The following KLHL1 variants were observed in gnomAD, a reference collection of about 807,000 sequenced individuals.
The protein encoded by KLHL1 is kelch like family member 1.
KLHL1 carries 47 observed loss-of-function variants against 77.7 expected under a neutral mutation model. The observed-to-expected ratio is 0.60, with a 90% CI of 0.48 to 0.77. The LOEUF (loss-of-function observed/expected upper bound fraction) is 0.77. KLHL1 is among the 30% of genes least tolerant of loss of function. The pLI is 0.00. For missense variants in KLHL1, 925 were observed against 910.8 expected (o/e 1.02, Z -0.20); for synonymous variants, 360 against 325.2 (o/e 1.11, Z -1.15).
chr13:69,850,796 G>T (rs1209294345), intron 5 of KLHL1, among the ~76,000 whole-genome samples: 1 of 151,610 alleles, frequency 6.6e-6, no homozygotes, highest in Non-Finnish European at 1.5e-5. Flanking sequence ...ACCTTGTTTA[G>T]GCTCATTTGT....
At chr13:69,833,947 A>C (rs933641798) in intron 6 of KLHL1, among the ~76,000 whole-genome samples, 11 of 151,940 alleles carry the variant, frequency 7.2e-5, no homozygotes, top group African/African-American at 2.7e-4. Flanking sequence ...ACCTGGATGG[A>C]GTTAAAGACC....
In KLHL1 at chr13:70,107,371, T is replaced by C. The variant is rs1888092307; in HGVS notation, c.329A>G (p.Gln110Arg). 1 of 1,614,000 alleles carries C rather than the reference T, an allele frequency of 6.2e-7. No homozygotes were observed. Among genetic ancestry groups the C allele is most frequent in the Non-Finnish European group, 8.5e-7 (1 of 1,180,034 alleles). The change falls in exon 1 of 11, where the codon CAG becomes CGG. Residue 110 changes from glutamine (Q) to arginine (R), a missense_variant. Gln to Arg is a conservative substitution (Grantham distance 43). Coordinates refer to ENST00000377844, the MANE Select transcript of KLHL1 (RefSeq NM_020866.3). ...AGTCCTGGCTGGCTGCTGAGTGCCC[T>C]GCCCAGGAGCCCCTTGCTGCAGCCT... ...ATRLQQGAPG[Q>R]GTQQPARTLF...
At chr13:70,104,605 T>C (rs1888002973) in intron 1 of KLHL1, among the ~76,000 whole-genome samples, 1 of 152,150 alleles carries the variant, frequency 6.6e-6, no homozygotes, top group Admixed American at 6.5e-5. Context: ...ACTCATGTTT[T>C]ATATGTAAGG....
chr13:69,937,805 A>G (rs989372425), intron 4 of KLHL1, among the ~76,000 whole-genome samples: 1 of 152,192 alleles, frequency 6.6e-6, no homozygotes, highest in African/African-American at 2.4e-5. Flanking sequence ...GACAAATAAT[A>G]AAGAAGAGAA....
intron 7 of KLHL1, among the ~76,000 whole-genome samples, chr13:69,742,213 A>G (rs1198005354): frequency 2.0e-5 from 3 of 152,198 alleles, no homozygotes; most frequent in Non-Finnish European, 4.4e-5. Flanking sequence ...TATAATGGAC[A>G]ATAAAAATGC....
At chr13:69,717,557 T>C (rs1026947753) in intron 9 of KLHL1, among the ~76,000 whole-genome samples, 1 of 152,146 alleles carries the variant, frequency 6.6e-6, no homozygotes, top group Admixed American at 6.6e-5. Flanking sequence ...ACTGAATTAT[T>C]TATGCCTCTA....
chr13:70,059,224 C>T (rs1457077364), intron 1 of KLHL1, among the ~76,000 whole-genome samples: 1 of 150,650 alleles, frequency 6.6e-6, no homozygotes, highest in African/African-American at 2.5e-5. Context: ...AGTGGCACAA[C>T]CTTGGCTTAC....
At chr13:69,855,926 T>C (rs1038420509) in intron 5 of KLHL1, among the ~76,000 whole-genome samples, 104 of 104,854 alleles carry the variant, frequency 9.9e-4, no homozygotes, top group African/African-American at 4.5e-3. Context: ...TATAACATAT[T>C]AATATGCATG....
At chr13:69,881,351 T>A (rs1880980776) in intron 5 of KLHL1, among the ~76,000 whole-genome samples, 1 of 152,178 alleles carries the variant, frequency 6.6e-6, no homozygotes, top group Non-Finnish European at 1.5e-5. Context: ...AATGTCCTAA[T>A]TCTCTGTTTT....
In KLHL1 at chr13:69,951,835, T is replaced by A. The variant is rs547193383; in HGVS notation, c.817+9473A>T. ...TTCTTGAAATCTTCACATCTCATAA[T>A]CCATATTTAAAATCAATATTTCTTA... On this transcript the variant is annotated intron_variant, in intron 3 of 10. Coordinates refer to ENST00000377844, the MANE Select transcript of KLHL1 (RefSeq NM_020866.3). Among the ~76,000 whole-genome samples the A allele has an allele frequency of 5.3e-5, 8 of 151,556 alleles. No individual in the cohort carries two copies. The South Asian group carries it at 1.7e-3, about 31-fold the overall frequency.
intron 1 of KLHL1, among the ~76,000 whole-genome samples, chr13:70,009,044 T>A (rs1263294921): frequency 2.6e-5 from 4 of 152,162 alleles, no homozygotes; most frequent in Admixed American, 2.6e-4. Context: ...CACTACTTTT[T>A]AAACATTTAG....
intron 4 of KLHL1, chr13:69,894,958 G>T: frequency 2.1e-6 from 1 of 470,650 alleles, no homozygotes; most frequent in South Asian, 1.6e-5. Flanking sequence ...GTCTACAAAT[G>T]ACAGAATGCT....
intron 2 of KLHL1, among the ~76,000 whole-genome samples, chr13:69,970,371 A>G (rs1168301806): frequency 6.6e-6 from 1 of 152,080 alleles, no homozygotes; most frequent in Non-Finnish European, 1.5e-5. Flanking sequence ...CAGAGTCAAA[A>G]TTATGAAAGT....
At chr13:70,033,350 C>T (rs990777119) in intron 1 of KLHL1, among the ~76,000 whole-genome samples, 28 of 152,116 alleles carry the variant, frequency 1.8e-4, no homozygotes, top group African/African-American at 6.5e-4. Flanking sequence ...AGGGCAGTGG[C>T]GCGCTCTCGG....
intron 4 of KLHL1, among the ~76,000 whole-genome samples, chr13:69,928,810 T>A (rs1207683190): frequency 1.3e-5 from 2 of 152,100 alleles, no homozygotes; most frequent in East Asian, 3.9e-4. Flanking sequence ...GCGAGGTGAT[T>A]GAAATGTTCT....
chr13:69,939,972 A>C, intron 4 of KLHL1, 68 bp downstream of exon 4: 1 of 1,241,416 alleles, frequency 8.1e-7, no homozygotes, highest in East Asian at 2.5e-5. Flanking sequence ...TAATGCCATG[A>C]CAGTAATTAT....
chr13:69,945,268 C>T (rs1024819357), intron 3 of KLHL1, among the ~76,000 whole-genome samples: 14 of 151,416 alleles, frequency 9.2e-5, no homozygotes, highest in African/African-American at 2.7e-4. Context: ...CCACTGCACC[C>T]GGCAGCTATA....
At chr13:70,057,828 A>G (rs897952213) in intron 1 of KLHL1, among the ~76,000 whole-genome samples, 9 of 151,570 alleles carry the variant, frequency 5.9e-5, no homozygotes, top group African/African-American at 2.2e-4. Context: ...AGAAAAACAA[A>G]GAAAAGGCCA....
At chr13:70,062,322 A>T (rs540703415) in intron 1 of KLHL1, among the ~76,000 whole-genome samples, 1 of 152,286 alleles carries the variant, frequency 6.6e-6, no homozygotes, top group African/African-American at 2.4e-5. Flanking sequence ...CATCTAAACT[A>T]TTGGATAATT....
Sources: gnomAD v4.1 joint callset for allele counts (sites outside exome capture counted in the v4.1 genomes callset) on GRCh38, gnomAD v4.1.1 for gene constraint, MANE v1.5 for transcripts, NCBI Gene and HGNC (gene_info 2026-07-23, HGNC 2026-07-21) for gene names.